Variants in ST3GAL3 observed in about 807,000 individuals in gnomAD.
ST3GAL3 encodes the protein CMP-N-acetylneuraminate-beta-1,4-galactoside alpha-2,3-sialyltransferase.
A neutral mutation model predicts 50.1 loss-of-function variants in ST3GAL3; 21 were observed. The ratio of observed to expected loss-of-function variants is 0.42; its 90% CI spans 0.30 to 0.60. The LOEUF (loss-of-function observed/expected upper bound fraction) is 0.60, where lower values mean the gene tolerates loss of function less well. Among genes scored for constraint, ST3GAL3 ranks in the 20% least tolerant of loss-of-function variants. ST3GAL3 has a pLI of 0.19. For synonymous variants in ST3GAL3, 183 were observed against 190.0 expected (o/e 0.96, Z 0.30); for missense variants, 353 against 489.4 (o/e 0.72, Z 2.63).
intron 5 of ST3GAL3, chr1:43,850,258 C>T (rs544927916): frequency 6.7e-6 from 3 of 450,204 alleles, no homozygotes; most frequent in East Asian, 1.2e-4. Flanking sequence ...CAGGTAGCTT[C>T]CTCTGTGGCA....
chr1:43,908,197 C>G (rs2080147113), intron 9 of ST3GAL3, among the ~76,000 whole-genome samples: 1 of 152,192 alleles, frequency 6.6e-6, no homozygotes, highest in Non-Finnish European at 1.5e-5. Context: ...CTTTCATTCT[C>G]CCTTCTAAAT....
intron 1 of ST3GAL3, among the ~76,000 whole-genome samples, chr1:43,714,636 G>A (rs2154063259): frequency 6.6e-6 from 1 of 152,152 alleles, no homozygotes; most frequent in South Asian, 2.1e-4. Flanking sequence ...TTGCTTAAAT[G>A]CCAACAGTTT....
intron 1 of ST3GAL3, among the ~76,000 whole-genome samples, chr1:43,725,725 C>T (rs1672643354): frequency 6.6e-6 from 1 of 152,190 alleles, no homozygotes; most frequent in Non-Finnish European, 1.5e-5. Context: ...CAGTTCACCG[C>T]AGCCTCCACT....
At chr1:43,765,375 T>C (rs1692164553) in intron 2 of ST3GAL3, among the ~76,000 whole-genome samples, 1 of 152,198 alleles carries the variant, frequency 6.6e-6, no homozygotes. Flanking sequence ...TGTGCTTCCC[T>C]GCAGCGCACG....
At chr1:43,843,153 T>C (rs1426928194) in intron 5 of ST3GAL3, among the ~76,000 whole-genome samples, 1 of 152,268 alleles carries the variant, frequency 6.6e-6, no homozygotes, top group Non-Finnish European at 1.5e-5. Context: ...CAGCCTTGCC[T>C]GTTCCCAGTC....
At chr1:43,718,766 C>T (rs986949556) in intron 1 of ST3GAL3, among the ~76,000 whole-genome samples, 2 of 139,170 alleles carry the variant, frequency 1.4e-5, no homozygotes, top group African/African-American at 5.3e-5. Context: ...TGACTCACTG[C>T]AACCTCCACC....
At chr1:43,848,090 T>G (rs1310718748) in intron 5 of ST3GAL3, among the ~76,000 whole-genome samples, 2 of 152,142 alleles carry the variant, frequency 1.3e-5, no homozygotes, top group Non-Finnish European at 2.9e-5. Flanking sequence ...GACAGTACCC[T>G]GTTCTCACTT....
intron 5 of ST3GAL3, among the ~76,000 whole-genome samples, chr1:43,857,891 C>T (rs2068908506): frequency 3.3e-5 from 5 of 152,154 alleles, no homozygotes. Flanking sequence ...GCTGGGATTA[C>T]AGGCGTGAGC....
chr1:43,812,876 CGTGTGTGT>C (rs778683816), intron 3 of ST3GAL3, among the ~76,000 whole-genome samples: 1 of 135,144 alleles, frequency 7.4e-6, no homozygotes, highest in Non-Finnish European at 1.7e-5. Context: ...GCAGTGTGTG[CGTGTGTGT>C]GTGTGTGTGA....
chr1:43,916,328 GTAGGT>G (rs2081794354), intron 9 of ST3GAL3, among the ~76,000 whole-genome samples: 1 of 152,220 alleles, frequency 6.6e-6, no homozygotes, highest in Non-Finnish European at 1.5e-5. Context: ...AGTGGTGGCA[GTAGGT>G]TTGGGATCAA....
chr1:43,816,701 T>C (rs1398691293), intron 4 of ST3GAL3, among the ~76,000 whole-genome samples: 1 of 152,182 alleles, frequency 6.6e-6, no homozygotes, highest in Non-Finnish European at 1.5e-5. Context: ...TCCTGACAGT[T>C]GGGTCCTGCA....
chr1:43,848,724 A>C lies in ST3GAL3; in HGVS notation c.302+10413A>C, dbSNP rs139611005. 2.1e-3 allele frequency among the ~76,000 whole-genome samples: 314 copies of C among 152,272 alleles called. 3 individuals are homozygous for C. In the East Asian group the frequency reaches 0.034, roughly 17 times the overall value. On this transcript the variant is annotated intron_variant, in intron 5 of 11. Transcript: ENST00000347631. Reference sequence around the variant, plus strand: ...TTGTAATCACATTTGGACCTTGTTTACATATTTTCTCAAATATTTTTTCTG... The same window carrying C: ...TTGTAATCACATTTGGACCTTGTTTCCATATTTTCTCAAATATTTTTTCTG...
chr1:43,728,105 C>T (rs936847763), intron 1 of ST3GAL3, among the ~76,000 whole-genome samples: 1 of 152,060 alleles, frequency 6.6e-6, no homozygotes, highest in African/African-American at 2.4e-5. Flanking sequence ...CTGCCACTTA[C>T]AAGTAAGAAC....
chr1:43,773,299 A>G (rs1251159869), intron 2 of ST3GAL3, among the ~76,000 whole-genome samples: 1 of 152,188 alleles, frequency 6.6e-6, no homozygotes, highest in African/African-American at 2.4e-5. Flanking sequence ...TCTAAAGACC[A>G]GAAGGATACT....
At chr1:43,797,552 T>TA (rs1178959193) in intron 3 of ST3GAL3, among the ~76,000 whole-genome samples, 1 of 152,206 alleles carries the variant, frequency 6.6e-6, no homozygotes, top group African/African-American at 2.4e-5. Flanking sequence ...TGCATGGTCT[T>TA]ATTAATTGAT....
intron 5 of ST3GAL3, among the ~76,000 whole-genome samples, chr1:43,861,548 G>A (rs1034141980): frequency 2.6e-5 from 4 of 152,184 alleles, no homozygotes; most frequent in African/African-American, 9.7e-5. Flanking sequence ...TACACAGGAT[G>A]CAACCGATGA....
chr1:43,911,798 C>T (rs1330377181), intron 9 of ST3GAL3: 1 of 151,818 alleles, frequency 6.6e-6, no homozygotes. Flanking sequence ...TGCCATCCTC[C>T]CACCTCAGGC....
At chr1:43,874,188 A>G (rs925863940) in intron 5 of ST3GAL3, among the ~76,000 whole-genome samples, 4 of 152,228 alleles carry the variant, frequency 2.6e-5, no homozygotes, top group African/African-American at 4.8e-5. Context: ...TAATTACTCC[A>G]GGATAAGACA....
chr1:43,897,476 C>A lies in ST3GAL3; in HGVS notation c.398-759C>A, dbSNP rs575993835. Among the ~76,000 whole-genome samples, 59 of 152,328 alleles carry A rather than the reference C, an allele frequency of 3.9e-4. 3 individuals are homozygous for A. The highest frequency in any genetic ancestry group is 1.1e-3 in the African/African-American group (46 of 41,576). On this transcript the variant is annotated intron_variant, in intron 6 of 11. Coordinates refer to ENST00000347631, the MANE Select transcript of ST3GAL3 (RefSeq NM_006279.5). ...CTCCAAAGCCAATACCCTTGCTATT[C>A]ACTATACATCATATTATAGTGCTCT...
Sources: allele counts gnomAD v4.1 joint callset (sites outside exome capture counted in the v4.1 genomes callset), GRCh38; gene constraint gnomAD v4.1.1; transcripts MANE v1.5; gene names NCBI Gene and HGNC (gene_info 2026-07-23, HGNC 2026-07-21).